Variants in KNSTRN observed in about 807,000 individuals in gnomAD.
KNSTRN encodes small kinetochore-associated protein.
A neutral mutation model predicts 44.7 loss-of-function variants in KNSTRN; 38 were observed. The observed-to-expected ratio is 0.85, with a 90% CI of 0.66 to 1.11. The LOEUF is 1.11. Ranked by LOEUF, KNSTRN falls within the 50% of genes most tolerant of loss-of-function variation. The pLI is 0.00. For synonymous variants in KNSTRN, 158 were observed against 148.1 expected (o/e 1.07, Z -0.48); for missense variants, 406 against 375.8 (o/e 1.08, Z -0.66).
chr15:40,387,086 T>G, intron 3 of KNSTRN, 73 bp from the exon 4 acceptor site: 1 of 1,119,120 alleles, frequency 8.9e-7, no homozygotes, highest in African/African-American at 1.5e-5. Flanking sequence ...TCAAGCTCTT[T>G]GTTCTGCCTG....
rs563986226 is a variant in KNSTRN at position 40,392,803 on chromosome 15, G to T, written c.823-666G>T. On this transcript the variant is annotated intron_variant, in intron 8 of 8. Coordinates refer to ENST00000249776, the MANE Select transcript of KNSTRN (RefSeq NM_033286.4). ...TTTTTATATTTTTAGTAGAGACAGG[G>T]TTTCACTGTGTTGGCCAGGCTGGTT... Among the ~76,000 whole-genome samples the T allele has an allele frequency of 6.2e-4, 94 of 150,836 alleles. 1 individual carries two copies. Among genetic ancestry groups the T allele is most frequent in the African/African-American group, 2.2e-3 (93 of 41,490 alleles).
intron 6 of KNSTRN, among the ~76,000 whole-genome samples, chr15:40,390,220 T>C (rs1889975310): frequency 6.6e-6 from 1 of 152,234 alleles, no homozygotes. Flanking sequence ...GAGAAACACT[T>C]TGTTCCTTTC....
Position 40,383,318 on chromosome 15 carries a change from G to T in KNSTRN, c.300G>T (p.Pro100=), listed in dbSNP as rs757489347. ...CCTCTGCGCTGAGCGGCGGCCAGCC[G>T]GCAGGTGAGGGTCCAAGCCACGCCC... ...QPPSALSGGQ[P]ADTQTRATSK... Residue 100 remains proline, a synonymous_variant, in exon 2 of 9, where the codon CCG becomes CCT. Transcript: ENST00000249776. 1 of 1,610,360 alleles carries T rather than the reference G, an allele frequency of 6.2e-7. No individual in the cohort carries two copies. The highest frequency in any genetic ancestry group is 1.1e-5 in the South Asian group (1 of 90,958).
chr15:40,390,045 TA>T (rs1889972748), intron 6 of KNSTRN, 116 bp downstream of exon 6: 2 of 742,568 alleles, frequency 2.7e-6, no homozygotes, highest in Non-Finnish European at 4.7e-6. Flanking sequence ...GTTACTTTCA[TA>T]AAGCCCTAAA....
chr15:40,382,849 A>G lies in KNSTRN; in HGVS notation c.14A>G (p.Glu5Gly), dbSNP rs1889829496. 3 of 1,609,848 alleles carry G rather than the reference A, an allele frequency of 1.9e-6. No homozygotes were observed. The highest frequency in any genetic ancestry group is 2.5e-6 in the Non-Finnish European group (3 of 1,179,164). Residue 5 changes from glutamate to glycine, a missense_variant, in exon 1 of 9, where the codon GAA (glutamate) becomes GGA (glycine). Coordinates refer to ENST00000249776, the MANE Select transcript of KNSTRN (RefSeq NM_033286.4). MAAP[E>G]APPLDRVFRT... ...CTTCCGTACAGTATGGCGGCTCCCG[A>G]AGCCCCGCCCCTGGACAGAGTTTTC...
chr15:40,383,367 A>T, intron 2 of KNSTRN, 45 bp downstream of exon 2: 2 of 1,495,094 alleles, frequency 1.3e-6, no homozygotes, highest in Non-Finnish European at 1.9e-6. Context: ...CTGGCCGGGG[A>T]TGGTCTCGGG....
intron 4 of KNSTRN, 169 bp from the exon 5 acceptor site, chr15:40,389,337 A>G (rs1437143397): frequency 1.7e-6 from 1 of 578,816 alleles, no homozygotes; most frequent in Admixed American, 2.9e-5. Context: ...TTTAGTAGAG[A>G]CAGGGTTTCT....
In KNSTRN at chr15:40,388,901, T is replaced by C. The variant is rs564651778; in HGVS notation, c.486-605T>C. Among the ~76,000 whole-genome samples, 300 of 152,272 alleles carry C rather than the reference T, an allele frequency of 2.0e-3. 3 individuals are homozygous for C. Among genetic ancestry groups the C allele is most frequent in the African/African-American group, 6.8e-3 (284 of 41,552 alleles). Reference sequence around the variant, plus strand: ...GGGGCCTGCTCCCAACAATTGGTGATATTAGAGTTTATTAGATGATAAACT... The same window carrying C: ...GGGGCCTGCTCCCAACAATTGGTGACATTAGAGTTTATTAGATGATAAACT... On this transcript the variant is annotated intron_variant, in intron 4 of 8. Coordinates refer to ENST00000249776, the MANE Select transcript of KNSTRN (RefSeq NM_033286.4).
chr15:40,386,618 C>G, intron 3 of KNSTRN, 124 bp downstream of exon 3: 5 of 925,400 alleles, frequency 5.4e-6, no homozygotes, highest in South Asian at 5.0e-5. Flanking sequence ...ATCAGTGGCC[C>G]AGAGCAGTGC....
intron 2 of KNSTRN, chr15:40,384,837 T>A (rs7177949): frequency 0.15 from 23,164 of 159,168 alleles, 1,868 homozygotes; most frequent in African/African-American, 0.18. Flanking sequence ...GTGTCTCCCA[T>A]TTTTAAGAGA....
chr15:40,387,525 G>A (rs1453667121), intron 4 of KNSTRN, among the ~76,000 whole-genome samples: 1 of 152,154 alleles, frequency 6.6e-6, no homozygotes, highest in African/African-American at 2.4e-5. Context: ...GGAAGGGCTG[G>A]GTGTATGTAG....
At chr15:40,391,131 C>T (rs983590939) in intron 6 of KNSTRN, among the ~76,000 whole-genome samples, 71 of 151,866 alleles carry the variant, frequency 4.7e-4, no homozygotes, top group African/African-American at 1.3e-3. Context: ...GTGATATTAC[C>T]GAAAGTAATA....
At chr15:40,386,831 G>C (rs1165831780) in intron 3 of KNSTRN, 1 of 522,050 alleles carries the variant, frequency 1.9e-6, no homozygotes, top group African/African-American at 1.9e-5. Flanking sequence ...TGACCACACA[G>C]TCCAGCCCTA....
chr15:40,384,742 GA>G (rs371749532), intron 2 of KNSTRN: 1,093 of 162,298 alleles, frequency 6.7e-3, no homozygotes, highest in South Asian at 0.029. Context: ...ATGCACATGT[GA>G]AAAAAAAAAA....
In KNSTRN at chr15:40,391,474, A is replaced by G; in HGVS notation, c.686-19A>G. ...GTGTGTAGTTCCCTAAGTGAGATTG[A>G]CTTTGTTGTATCCATCAGCTTTAGG... On this transcript the variant is annotated intron_variant, in intron 6 of 8. Transcript: ENST00000249776. The G allele has an allele frequency of 6.2e-7, 1 of 1,609,918 alleles. No homozygotes were observed. The highest frequency in any genetic ancestry group is 8.5e-7 in the Non-Finnish European group (1 of 1,176,340).
chr15:40,384,519 G>T (rs1410900221), intron 2 of KNSTRN: 1 of 455,588 alleles, frequency 2.2e-6, no homozygotes, highest in Admixed American at 2.4e-5. Flanking sequence ...ACTGGAGCCA[G>T]GTCTCTCAGC....
In KNSTRN at chr15:40,389,936, G is replaced by A. The variant is rs780944766; in HGVS notation, c.685+7G>A. ...AGCAAGGGCCTTGATCCAGGTAAGA[G>A]ACAGCACACAGCTAGCCTCCTTTGA... On this transcript the variant is annotated splice_region_variant and intron_variant, in intron 6 of 8. Transcript: ENST00000249776. 3.2e-5 allele frequency: 51 copies of A among 1,610,560 alleles called. No homozygotes were observed. In the East Asian group the frequency reaches 1.0e-3, roughly 33 times the overall value.
chr15:40,393,263 G>A, intron 8 of KNSTRN: 1 of 1,613,172 alleles, frequency 6.2e-7, no homozygotes, highest in East Asian at 2.2e-5. Flanking sequence ...AGATACAGGA[G>A]TCTAGTCCCT....
chr15:40,383,145 G>C, intron 1 of KNSTRN, 83 bp from the exon 2 acceptor site: 1 of 1,582,942 alleles, frequency 6.3e-7, no homozygotes, highest in East Asian at 2.2e-5. Context: ...GCCGGGGCCT[G>C]TCGGGTCGCG....
Sources: allele counts gnomAD v4.1 joint callset (sites outside exome capture counted in the v4.1 genomes callset), GRCh38; gene constraint gnomAD v4.1.1; transcripts MANE v1.5; gene names NCBI Gene and HGNC (gene_info 2026-07-23, HGNC 2026-07-21).